Variants in RPTOR observed in about 807,000 individuals in gnomAD.
RPTOR encodes the protein regulatory-associated protein of mTOR.
In RPTOR, 21 loss-of-function variants were observed where a neutral mutation model predicts 169.9. The observed-to-expected ratio is 0.12, with a 90% CI of 0.09 to 0.18. The LOEUF is 0.18. RPTOR is among the 10% of genes least tolerant of loss of function. RPTOR has a pLI of 1.00. For missense variants in RPTOR, 1,133 were observed against 1,855.9 expected (o/e 0.61, Z 7.16); for synonymous variants, 732 against 753.2 (o/e 0.97, Z 0.46).
intron 1 of RPTOR, among the ~76,000 whole-genome samples, chr17:80,573,400 A>G (rs1323057077): frequency 1.3e-5 from 2 of 152,138 alleles, no homozygotes; most frequent in African/African-American, 4.8e-5. Flanking sequence ...CACACATGGC[A>G]TATCTCTTAT....
At chr17:80,594,776 T>C (rs1343522108) in intron 1 of RPTOR, among the ~76,000 whole-genome samples, 13 of 152,336 alleles carry the variant, frequency 8.5e-5, no homozygotes, top group Non-Finnish European at 5.9e-5. Context: ...CAAATGTTAA[T>C]AACAGTGGCT....
rs137869221 is a variant in RPTOR at position 80,801,453 on chromosome 17, C to T, written c.890+9944C>T. Among the ~76,000 whole-genome samples, 662 of 152,260 alleles carry T rather than the reference C, an allele frequency of 4.3e-3. 6 individuals are homozygous for T. Among genetic ancestry groups the T allele is most frequent in the African/African-American group, 0.014 (576 of 41,536 alleles). On this transcript the variant is annotated intron_variant, in intron 7 of 33. Transcript: ENST00000306801. ...GGAGCCTGCATCTCCTTCCCCTCGG[C>T]ATGGGCTGTGTGAACAGAGCACGGG...
In RPTOR at chr17:80,695,643, G is replaced by C. The variant is rs11655435; in HGVS notation, c.349-12198G>C. Reference sequence around the variant, plus strand: ...ACCTTGGGCTTCCTAGTCTCTGCACGTTACCCCGAATTCCAGAATAATCGT... The same window carrying C: ...ACCTTGGGCTTCCTAGTCTCTGCACCTTACCCCGAATTCCAGAATAATCGT... On this transcript the variant is annotated intron_variant, in intron 3 of 33. Coordinates refer to ENST00000306801, the MANE Select transcript of RPTOR (RefSeq NM_020761.3). The surrounding 1 kb of genome is among the most constrained non-coding windows in gnomAD (Gnocchi z 4.9). 0.23 allele frequency among the ~76,000 whole-genome samples: 35,007 copies of C among 152,180 alleles called. 4,112 individuals are homozygous for C. Among genetic ancestry groups the C allele is most frequent in the East Asian group, 0.33 (1,686 of 5,178 alleles).
At chr17:80,637,300 G>A (rs942191303) in intron 2 of RPTOR, among the ~76,000 whole-genome samples, 20 of 152,228 alleles carry the variant, frequency 1.3e-4, no homozygotes, top group Admixed American at 8.5e-4. Flanking sequence ...TAGGTCATCC[G>A]GATGAAGCCT....
intron 13 of RPTOR, among the ~76,000 whole-genome samples, chr17:80,868,770 A>G (rs1474774809): frequency 6.6e-6 from 1 of 152,246 alleles, no homozygotes; most frequent in Non-Finnish European, 1.5e-5. Flanking sequence ...CAATCTTTCC[A>G]TGCGATGAAA....
chr17:80,818,170 C>T (rs1355404657), intron 7 of RPTOR, among the ~76,000 whole-genome samples: 1 of 152,202 alleles, frequency 6.6e-6, no homozygotes, highest in African/African-American at 2.4e-5. Flanking sequence ...GCTGTGTTGA[C>T]TCAGCAGAGA....
At chr17:80,890,232 G>A (rs2068303761) in intron 17 of RPTOR, among the ~76,000 whole-genome samples, 1 of 152,236 alleles carries the variant, frequency 6.6e-6, no homozygotes, top group South Asian at 2.1e-4. Flanking sequence ...GTTAATCCAT[G>A]CCAGCTCCCA....
intron 2 of RPTOR, among the ~76,000 whole-genome samples, chr17:80,628,712 G>A (rs1168446053): frequency 1.3e-5 from 2 of 152,076 alleles, no homozygotes; most frequent in South Asian, 2.1e-4. Context: ...GAACATCTGG[G>A]CTCTAGTGGT....
At chr17:80,724,062 A>G (rs560768523) in intron 4 of RPTOR, among the ~76,000 whole-genome samples, 2 of 151,520 alleles carry the variant, frequency 1.3e-5, no homozygotes, top group East Asian at 3.8e-4. Flanking sequence ...GAAAGTATAA[A>G]TCAGTGGAGT....
At chr17:80,710,065 C>T (rs975296433) in intron 4 of RPTOR, among the ~76,000 whole-genome samples, 36 of 151,972 alleles carry the variant, frequency 2.4e-4, no homozygotes, top group Admixed American at 1.6e-3. Flanking sequence ...CAAACTCTGC[C>T]TTCTGGGCTG....
chr17:80,774,683 T>A (rs999113048), intron 6 of RPTOR, among the ~76,000 whole-genome samples: 2 of 152,208 alleles, frequency 1.3e-5, no homozygotes, highest in East Asian at 3.9e-4. Flanking sequence ...TTGGGGACTT[T>A]ACAGAGCTTT....
intron 3 of RPTOR, among the ~76,000 whole-genome samples, chr17:80,667,528 C>T (rs569412635): frequency 6.6e-6 from 1 of 152,338 alleles, no homozygotes; most frequent in African/African-American, 2.4e-5. Flanking sequence ...ACTATTTTGA[C>T]TTAAGATGCC....
intron 25 of RPTOR, among the ~76,000 whole-genome samples, chr17:80,945,200 C>T (rs1039770805): frequency 2.4e-4 from 37 of 152,006 alleles, no homozygotes; most frequent in East Asian, 1.4e-3. Flanking sequence ...AGAGTTGAGG[C>T]GGGAGGATCA....
In RPTOR at chr17:80,747,242, C is replaced by G. The variant is rs2066585060; in HGVS notation, c.655-6768C>G. On this transcript the variant is annotated intron_variant, in intron 5 of 33. Transcript: ENST00000306801. ...AAAACAAAAACAAAACAAAACAAAA[C>G]CTGTTGGTTCTAATACCCCTAAAGC... Among the ~76,000 whole-genome samples the G allele has an allele frequency of 2.0e-5, 3 of 152,098 alleles. No homozygotes were observed. In the South Asian group the frequency reaches 6.2e-4, roughly 32 times the overall value.
chr17:80,806,375 G>A (rs900805900), intron 7 of RPTOR, among the ~76,000 whole-genome samples: 2 of 152,192 alleles, frequency 1.3e-5, no homozygotes, highest in Non-Finnish European at 2.9e-5. Context: ...TTCATAGTAA[G>A]ATAAGTGTTC....
chr17:80,653,277 C>T (rs537267701), intron 3 of RPTOR, among the ~76,000 whole-genome samples: 3 of 152,282 alleles, frequency 2.0e-5, no homozygotes, highest in Non-Finnish European at 2.9e-5. Context: ...AGAGGTTCAG[C>T]CAGGCACCGT....
intron 4 of RPTOR, among the ~76,000 whole-genome samples, chr17:80,722,460 C>T (rs952765610): frequency 6.6e-6 from 1 of 150,616 alleles, no homozygotes; most frequent in Admixed American, 6.6e-5. Flanking sequence ...AGGGAGGGGT[C>T]CCAAGCTGGG....
intron 3 of RPTOR, among the ~76,000 whole-genome samples, chr17:80,691,444 A>ATG (rs964542670): frequency 6.8e-6 from 1 of 146,428 alleles, no homozygotes; most frequent in South Asian, 2.2e-4. Context: ...GATGTGAGTG[A>ATG]TGTGTGTGTG....
chr17:80,793,896 G>A (rs1204274318), intron 7 of RPTOR, among the ~76,000 whole-genome samples: 1 of 152,330 alleles, frequency 6.6e-6, no homozygotes. Context: ...TTTCTGCCTG[G>A]TTCGGGCAGG....
Sources: gnomAD v4.1 joint callset for allele counts (sites outside exome capture counted in the v4.1 genomes callset) on GRCh38, gnomAD v4.1.1 for gene constraint, Gnocchi (gnomAD v3.1) non-coding constraint, MANE v1.5 for transcripts, NCBI Gene and HGNC (gene_info 2026-07-23, HGNC 2026-07-21) for gene names.